Variants in ARHGAP15 observed in about 807,000 individuals in gnomAD.
The protein encoded by ARHGAP15 is Rho GTPase activating protein 15, also known as rho GTPase-activating protein 15.
In ARHGAP15, 51 loss-of-function variants were observed where a neutral mutation model predicts 63.7. The observed-to-expected ratio is 0.80, with a 90% CI of 0.64 to 1.01. The LOEUF (loss-of-function observed/expected upper bound fraction) is 1.01, where lower values mean the gene tolerates loss of function less well. ARHGAP15 is among the 50% of genes least tolerant of loss of function. The pLI is 0.00. For missense variants in ARHGAP15, 560 were observed against 564.6 expected (o/e 0.99, Z 0.08); for synonymous variants, 191 against 193.8 (o/e 0.99, Z 0.12).
At chr2:143,443,097 A>G (rs1015368723) in intron 8 of ARHGAP15, among the ~76,000 whole-genome samples, 3 of 152,168 alleles carry the variant, frequency 2.0e-5, no homozygotes, top group Middle Eastern at 3.2e-3. Flanking sequence ...AGTTTCTTGG[A>G]TAAATATGTA....
intron 8 of ARHGAP15, among the ~76,000 whole-genome samples, chr2:143,464,374 T>C (rs1484511781): frequency 6.6e-6 from 1 of 152,162 alleles, no homozygotes; most frequent in African/African-American, 2.4e-5. Flanking sequence ...TATAATCTTA[T>C]GGAAAACAGG....
intron 10 of ARHGAP15, among the ~76,000 whole-genome samples, chr2:143,521,395 C>T (rs2104988889): frequency 6.6e-6 from 1 of 152,252 alleles, no homozygotes; most frequent in East Asian, 1.9e-4. Flanking sequence ...TATATTTATA[C>T]ACCAATTCTA....
intron 13 of ARHGAP15, among the ~76,000 whole-genome samples, chr2:143,731,708 A>G (rs1464430350): frequency 6.6e-6 from 1 of 152,226 alleles, no homozygotes; most frequent in Non-Finnish European, 1.5e-5. Context: ...CATATAGCAT[A>G]GTGAATTTAG....
chr2:143,264,481 C>A (rs1680893233), intron 6 of ARHGAP15, among the ~76,000 whole-genome samples: 1 of 152,136 alleles, frequency 6.6e-6, no homozygotes, highest in Non-Finnish European at 1.5e-5. Context: ...AGTCAAGGAG[C>A]TCACATGACA....
chr2:143,474,099 A>G (rs1329726762), intron 8 of ARHGAP15, among the ~76,000 whole-genome samples: 1 of 152,312 alleles, frequency 6.6e-6, no homozygotes, highest in African/African-American at 2.4e-5. Flanking sequence ...AATTATATCC[A>G]GCAGGCACTC....
At chr2:143,299,237 C>T (rs1166726436) in intron 6 of ARHGAP15, among the ~76,000 whole-genome samples, 2 of 151,952 alleles carry the variant, frequency 1.3e-5, no homozygotes, top group African/African-American at 4.8e-5. Flanking sequence ...TAATTAAAAT[C>T]AGCATGCAAA....
intron 6 of ARHGAP15, among the ~76,000 whole-genome samples, chr2:143,341,387 G>A (rs1414849981): frequency 1.3e-5 from 2 of 152,142 alleles, no homozygotes; most frequent in Non-Finnish European, 2.9e-5. Context: ...TATAGGTGAA[G>A]CTAACAGATT....
chr2:143,267,506 T>G (rs1229859055), intron 6 of ARHGAP15, among the ~76,000 whole-genome samples: 1 of 152,174 alleles, frequency 6.6e-6, no homozygotes, highest in East Asian at 1.9e-4. Context: ...CCAAGGCAGA[T>G]GCATAAATTA....
At chr2:143,325,082 A>G (rs1298591143) in intron 6 of ARHGAP15, among the ~76,000 whole-genome samples, 1 of 152,112 alleles carries the variant, frequency 6.6e-6, no homozygotes, top group Non-Finnish European at 1.5e-5. Flanking sequence ...AGATATAACT[A>G]TCAAAGAGGA....
At position 143,383,090 on chromosome 2, in the gene ARHGAP15, G is replaced by T. The variant is rs1275198364; in HGVS notation, c.475-52511G>T. On this transcript the variant is annotated intron_variant, in intron 6 of 13. Transcript: ENST00000295095. ...CAAGGTTGCAGAGGATACCAAAAAAGCTTATCAACCCTCAACTGTGATGCC... is the reference window on the plus strand; with the variant it reads ...CAAGGTTGCAGAGGATACCAAAAAATCTTATCAACCCTCAACTGTGATGCC... 2.6e-5 allele frequency among the ~76,000 whole-genome samples: 4 copies of T among 152,084 alleles called. 1 individual carries two copies. Among genetic ancestry groups the T allele is most frequent in the South Asian group, 4.1e-4 (2 of 4,830 alleles).
intron 9 of ARHGAP15, among the ~76,000 whole-genome samples, chr2:143,515,099 C>G (rs1183259188): frequency 7.0e-6 from 1 of 143,850 alleles, no homozygotes; most frequent in Non-Finnish European, 1.5e-5. Context: ...CACCCTTATC[C>G]TGATTCTGGT....
intron 8 of ARHGAP15, among the ~76,000 whole-genome samples, chr2:143,445,153 ATTTTTTTT>A (rs10671306): frequency 8.1e-5 from 6 of 74,426 alleles, no homozygotes; most frequent in African/African-American, 2.2e-4. Context: ...AAGAACAATT[ATTTTTTTT>A]TTTTTTTTTT....
intron 4 of ARHGAP15, among the ~76,000 whole-genome samples, chr2:143,219,209 T>G (rs1322785101): frequency 6.6e-6 from 1 of 152,332 alleles, no homozygotes; most frequent in South Asian, 2.1e-4. Flanking sequence ...TGTTTAGATA[T>G]ACAAATACTT....
chr2:143,586,997 C>A (rs1697134021), intron 11 of ARHGAP15, among the ~76,000 whole-genome samples: 1 of 152,070 alleles, frequency 6.6e-6, no homozygotes, highest in Non-Finnish European at 1.5e-5. Flanking sequence ...GTTTCCTCTT[C>A]CTCCTTCATG....
At chr2:143,315,510 A>G (rs2105203175) in intron 6 of ARHGAP15, among the ~76,000 whole-genome samples, 1 of 152,160 alleles carries the variant, frequency 6.6e-6, no homozygotes, top group East Asian at 1.9e-4. Context: ...AGATACCAGA[A>G]TACTAACTGT....
intron 12 of ARHGAP15, among the ~76,000 whole-genome samples, chr2:143,637,387 A>G (rs542854836): frequency 6.6e-6 from 1 of 152,186 alleles, no homozygotes; most frequent in South Asian, 2.1e-4. Context: ...TCTCTCTCAG[A>G]TAAGTTTGTA....
chr2:143,343,661 C>G (rs1043826463), intron 6 of ARHGAP15, among the ~76,000 whole-genome samples: 1 of 151,966 alleles, frequency 6.6e-6, no homozygotes, highest in African/African-American at 2.4e-5. Flanking sequence ...ATTCTTCAAG[C>G]TTTACTATAA....
chr2:143,496,171 T>C (rs1692806504), intron 9 of ARHGAP15, among the ~76,000 whole-genome samples: 1 of 152,146 alleles, frequency 6.6e-6, no homozygotes, highest in African/African-American at 2.4e-5. Flanking sequence ...TTAAAGGCTC[T>C]TGGGAGCAAA....
intron 10 of ARHGAP15, among the ~76,000 whole-genome samples, chr2:143,552,323 C>T (rs928984703): frequency 6.6e-6 from 1 of 152,192 alleles, no homozygotes; most frequent in Non-Finnish European, 1.5e-5. Context: ...AAAATGCTAC[C>T]TAAACCAGTT....
Sources: gnomAD v4.1 joint callset for allele counts (sites outside exome capture counted in the v4.1 genomes callset) on GRCh38, gnomAD v4.1.1 for gene constraint, MANE v1.5 for transcripts, NCBI Gene and HGNC (gene_info 2026-07-23, HGNC 2026-07-21) for gene names.